The following LRBA variants were observed in gnomAD, a reference collection of about 807,000 sequenced individuals.
LRBA encodes LPS responsive beige-like anchor protein.
Under a neutral mutation model 330.0 loss-of-function variants are expected in LRBA, and 176 were observed. That is an observed-to-expected ratio of 0.53 (90% CI 0.47 to 0.60). The LOEUF (loss-of-function observed/expected upper bound fraction) is 0.60, where lower values mean the gene tolerates loss of function less well. LRBA is among the 20% of genes least tolerant of loss of function. The pLI, the probability that LRBA is intolerant of heterozygous loss-of-function variation, is 0.00. For missense variants in LRBA, 3,259 were observed against 3,444.8 expected (o/e 0.95, Z 1.35); for synonymous variants, 1,230 against 1,193.0 (o/e 1.03, Z -0.64).
intron 2 of LRBA, among the ~76,000 whole-genome samples, chr4:151,001,068 G>A (rs1044927383): frequency 6.6e-6 from 1 of 152,190 alleles, no homozygotes; most frequent in Non-Finnish European, 1.5e-5. Context: ...CCACTCCACT[G>A]AGGAAAATTG....
chr4:150,676,401 T>C (rs1339583489), intron 37 of LRBA, among the ~76,000 whole-genome samples: 1 of 152,238 alleles, frequency 6.6e-6, no homozygotes, highest in Non-Finnish European at 1.5e-5. Context: ...AGCGATATAT[T>C]TGTCTTATTC....
chr4:150,632,067 C>G (rs1323984925), intron 37 of LRBA, among the ~76,000 whole-genome samples: 1 of 152,038 alleles, frequency 6.6e-6, no homozygotes, highest in Non-Finnish European at 1.5e-5. Context: ...CCCTTCTCTA[C>G]TAAAAATACA....
intron 37 of LRBA, among the ~76,000 whole-genome samples, chr4:150,619,224 C>T (rs918380467): frequency 6.6e-6 from 1 of 152,012 alleles, no homozygotes. Context: ...AAAGTATTTG[C>T]CCAGACGATA....
intron 44 of LRBA, among the ~76,000 whole-genome samples, chr4:150,441,875 C>T (rs777278310): frequency 6.6e-6 from 1 of 151,998 alleles, no homozygotes; most frequent in Non-Finnish European, 1.5e-5. Flanking sequence ...CTTTACTTAA[C>T]AGGTTGATTT....
chr4:150,775,805 G>GAAAAA (rs35161747), intron 34 of LRBA, among the ~76,000 whole-genome samples: 19 of 59,972 alleles, frequency 3.2e-4, no homozygotes, highest in African/African-American at 6.7e-4. Context: ...AAGAAAGAAT[G>GAAAAA]AAAAAAAAAA....
chr4:150,638,520 G>A (rs1027212597), intron 37 of LRBA, among the ~76,000 whole-genome samples: 5 of 152,140 alleles, frequency 3.3e-5, no homozygotes, highest in African/African-American at 1.2e-4. Flanking sequence ...CTGGGGTTCA[G>A]AGAATACTTA....
chr4:150,769,394 C>T (rs1736247223), intron 34 of LRBA, among the ~76,000 whole-genome samples: 1 of 152,098 alleles, frequency 6.6e-6, no homozygotes, highest in Non-Finnish European at 1.5e-5. Flanking sequence ...AACTGACTCA[C>T]ACAATTACAT....
chr4:150,710,543 A>G (rs188236187), intron 36 of LRBA, among the ~76,000 whole-genome samples: 47 of 152,274 alleles, frequency 3.1e-4, no homozygotes, highest in East Asian at 2.3e-3. Flanking sequence ...AGTGAAAAAA[A>G]AATACTATAT....
rs184762999 is a variant in LRBA at position 150,823,526 on chromosome 4, G to A, written c.5171+4654C>T. ...CCTGTGCTTTTGGGGTATTACTCGAGAAATCTCCCCAGATTAATGTCCTGG... is the reference window on the plus strand; with the variant it reads ...CCTGTGCTTTTGGGGTATTACTCGAAAAATCTCCCCAGATTAATGTCCTGG... On this transcript the variant is annotated intron_variant, in intron 30 of 56. Coordinates refer to ENST00000651943, the MANE Select transcript of LRBA (RefSeq NM_001364905.1). 1.3e-3 allele frequency among the ~76,000 whole-genome samples: 194 copies of A among 152,166 alleles called. 2 individuals are homozygous for A. In the Middle Eastern group the frequency reaches 0.027, roughly 21 times the overall value.
intron 33 of LRBA, among the ~76,000 whole-genome samples, chr4:150,803,109 CATATAT>C (rs1331936239): frequency 6.9e-6 from 1 of 143,966 alleles, no homozygotes; most frequent in Non-Finnish European, 1.5e-5. Context: ...CACACACACA[CATATAT>C]ACACACACAA....
intron 37 of LRBA, among the ~76,000 whole-genome samples, chr4:150,639,833 A>G (rs376661486): frequency 0.048 from 980 of 20,408 alleles, 202 homozygotes; most frequent in Admixed American, 0.15. Context: ...ATATATATAT[A>G]TATATATATA....
rs1444946620 is a variant in LRBA at position 150,488,932 on chromosome 4, C to A, written c.6449-1098G>T. Among the ~76,000 whole-genome samples, 3 of 119,554 alleles carry A rather than the reference C, an allele frequency of 2.5e-5. No homozygotes were observed. In the East Asian group the frequency reaches 8.0e-4, roughly 32 times the overall value. The allele number at this position is 119,554 out of a possible 152,430, so 78.4% of individuals were successfully genotyped here. A position where few individuals can be genotyped will look rare whatever the true frequency, so the allele number is the denominator to read the frequency against. On this transcript the variant is annotated intron_variant, in intron 41 of 56. Coordinates refer to ENST00000651943, the MANE Select transcript of LRBA (RefSeq NM_001364905.1). ...ATATACACACACATAAGAATATATA[C>A]ACACACGAGAATATATATAACATAT... is the stretch of plus-strand genomic sequence containing the variant.
At chr4:150,997,947 G>T (rs1037049785) in intron 2 of LRBA, among the ~76,000 whole-genome samples, 2 of 151,998 alleles carry the variant, frequency 1.3e-5, no homozygotes, top group Non-Finnish European at 2.9e-5. Context: ...CAAGTGATCC[G>T]CCCACCTCGG....
chr4:150,514,441 ACCCAGTATAGC>A (rs1249376780), intron 40 of LRBA, among the ~76,000 whole-genome samples: 2 of 152,086 alleles, frequency 1.3e-5, no homozygotes, highest in Non-Finnish European at 2.9e-5. Flanking sequence ...CATTGATAAT[ACCCAGTATAGC>A]CCCACTCTGG....
intron 42 of LRBA, among the ~76,000 whole-genome samples, chr4:150,472,133 C>T (rs951095205): frequency 6.6e-6 from 1 of 151,972 alleles, no homozygotes; most frequent in Admixed American, 6.5e-5. Context: ...TAAATGAACA[C>T]ATTTTTACAT....
At chr4:150,897,885 T>C in intron 14 of LRBA, 67 bp from the exon 15 acceptor site, 1 of 1,060,576 alleles carries the variant, frequency 9.4e-7, no homozygotes, top group South Asian at 1.3e-5. Context: ...AAGTATAAAA[T>C]TCTCATTCCC....
At chr4:150,827,124 C>A (rs929342851) in intron 30 of LRBA, among the ~76,000 whole-genome samples, 2 of 152,104 alleles carry the variant, frequency 1.3e-5, no homozygotes, top group Non-Finnish European at 2.9e-5. Flanking sequence ...AACAATTTGA[C>A]GGAGACAAGA....
rs554541640 is a variant in LRBA, at chr4:150,769,240, C to T, written c.5581-7393G>A. On this transcript the variant is annotated intron_variant, in intron 34 of 56. Coordinates refer to ENST00000651943, the MANE Select transcript of LRBA (RefSeq NM_001364905.1). ...GATTACAGGAGTGAGCCACCATGCC[C>T]GGCCTATCAACTGCTATTTCTATGC... is the stretch of plus-strand genomic sequence containing the variant. Among the ~76,000 whole-genome samples, 79 of 152,038 alleles carry T rather than the reference C, an allele frequency of 5.2e-4. 1 individual carries two copies. Among genetic ancestry groups the T allele is most frequent in the African/African-American group, 1.6e-3 (66 of 41,472 alleles).
At chr4:150,911,349 G>T (rs1731968189) in intron 9 of LRBA, among the ~76,000 whole-genome samples, 1 of 151,974 alleles carries the variant, frequency 6.6e-6, no homozygotes, top group African/African-American at 2.4e-5. Flanking sequence ...ATTATGTTGA[G>T]GTAGTTTCCT....
Sources: gnomAD v4.1 joint callset for allele counts (sites outside exome capture counted in the v4.1 genomes callset) on GRCh38, gnomAD v4.1.1 for gene constraint, MANE v1.5 for transcripts, NCBI Gene and HGNC (gene_info 2026-07-23, HGNC 2026-07-21) for gene names.